SLC44A1: variants seen among roughly 807,000 people sequenced by gnomAD.
SLC44A1 encodes solute carrier family 44 member 1.
A neutral mutation model predicts 79.3 loss-of-function variants in SLC44A1; 26 were observed. The ratio of observed to expected loss-of-function variants is 0.33; its 90% CI spans 0.24 to 0.46. The LOEUF (loss-of-function observed/expected upper bound fraction) is 0.46, where lower values mean the gene tolerates loss of function less well. Among genes scored for constraint, SLC44A1 ranks in the 20% least tolerant of loss-of-function variants. SLC44A1 has a pLI of 1.00. For synonymous variants in SLC44A1, 263 were observed against 286.2 expected (o/e 0.92, Z 0.82); for missense variants, 688 against 798.1 (o/e 0.86, Z 1.66).
At chr9:105,280,746 G>A (rs996373702) in intron 1 of SLC44A1, among the ~76,000 whole-genome samples, 6 of 152,114 alleles carry the variant, frequency 3.9e-5, no homozygotes, top group Non-Finnish European at 1.5e-5. Context: ...GTGTTGTATT[G>A]GTGTTTAACA....
chr9:105,263,268 T>G (rs1452001925), intron 1 of SLC44A1, among the ~76,000 whole-genome samples: 1 of 152,156 alleles, frequency 6.6e-6, no homozygotes, highest in African/African-American at 2.4e-5. Flanking sequence ...AGAAATTTCA[T>G]TTTGCACTAC....
At chr9:105,257,509 C>T (rs931121630) in intron 1 of SLC44A1, among the ~76,000 whole-genome samples, 2 of 152,188 alleles carry the variant, frequency 1.3e-5, no homozygotes, top group African/African-American at 4.8e-5. Context: ...GGATTACAGG[C>T]ATGAGCTACC....
chr9:105,317,565 G>A (rs938446723), intron 3 of SLC44A1, among the ~76,000 whole-genome samples: 4 of 152,038 alleles, frequency 2.6e-5, no homozygotes, highest in African/African-American at 7.2e-5. Flanking sequence ...CTGAGAGGTG[G>A]CTCCAGGAGC....
At position 105,266,965 on chromosome 9, in the gene SLC44A1, A is replaced by T. The variant is rs566934796; in HGVS notation, c.36+22061A>T. Among the ~76,000 whole-genome samples the T allele has an allele frequency of 6.6e-5, 10 of 152,122 alleles. 1 individual carries two copies. The South Asian group carries it at 2.1e-3, about 32-fold the overall frequency. ...TGTGATGTAGTTCTCCATTTATTTA[A>T]GCCTTCTTTGAGTTTTTTTTTCTCC... is the stretch of plus-strand genomic sequence containing the variant. On this transcript the variant is annotated intron_variant, in intron 1 of 15. Coordinates refer to ENST00000374720, the MANE Select transcript of SLC44A1 (RefSeq NM_080546.5).
chr9:105,379,527 A>G (rs1243833639), intron 13 of SLC44A1, among the ~76,000 whole-genome samples: 1 of 152,202 alleles, frequency 6.6e-6, no homozygotes, highest in Non-Finnish European at 1.5e-5. Flanking sequence ...ATTTCTTACA[A>G]CTGCATGTGA....
intron 8 of SLC44A1, among the ~76,000 whole-genome samples, chr9:105,362,582 A>G (rs1376491379): frequency 2.0e-5 from 3 of 152,204 alleles, no homozygotes; most frequent in African/African-American, 7.2e-5. Context: ...AAAAAATTCT[A>G]GAATGTATTA....
chr9:105,334,591 C>G (rs1826853372), intron 3 of SLC44A1, among the ~76,000 whole-genome samples: 1 of 152,152 alleles, frequency 6.6e-6, no homozygotes, highest in Admixed American at 6.5e-5. Flanking sequence ...TGAACCCTGG[C>G]TGGAGATTCA....
downstream of SLC44A1, among the ~76,000 whole-genome samples, chr9:105,398,603 T>C (rs558701600): frequency 1.3e-5 from 2 of 152,178 alleles, no homozygotes; most frequent in Non-Finnish European, 2.9e-5. Flanking sequence ...TAACCTCAAA[T>C]TGAAGGAAAT....
chr9:105,331,618 C>T (rs1588790796), intron 3 of SLC44A1, among the ~76,000 whole-genome samples: 1 of 152,236 alleles, frequency 6.6e-6, no homozygotes, highest in East Asian at 1.9e-4. Context: ...AGCACTTGGC[C>T]TCCTATAAAT....
At chr9:105,384,209 G>A (rs1423556281) in intron 14 of SLC44A1, among the ~76,000 whole-genome samples, 1 of 150,168 alleles carries the variant, frequency 6.7e-6, no homozygotes, top group Non-Finnish European at 1.5e-5. Context: ...TTTTTGAGAC[G>A]GAGTCTTGCT....
chr9:105,292,984 A>G (rs1830638372), intron 1 of SLC44A1, among the ~76,000 whole-genome samples: 1 of 152,060 alleles, frequency 6.6e-6, no homozygotes, highest in Admixed American at 6.6e-5. Flanking sequence ...AACATGGTGA[A>G]ACCCAATCCA....
intron 4 of SLC44A1, among the ~76,000 whole-genome samples, chr9:105,341,893 T>C (rs1827103268): frequency 6.6e-6 from 1 of 152,224 alleles, no homozygotes; most frequent in Non-Finnish European, 1.5e-5. Flanking sequence ...TTATACATAC[T>C]ATCCAAGTGA....
At chr9:105,305,843 CTTTTTT>C (rs748755778) in intron 2 of SLC44A1, among the ~76,000 whole-genome samples, 1 of 84,972 alleles carries the variant, frequency 1.2e-5, no homozygotes, top group African/African-American at 6.6e-5. Flanking sequence ...AAAGTGTGTC[CTTTTTT>C]TTTTTTTTTT....
rs867464244 is a variant in SLC44A1, at chr9:105,391,247, C to T, written c.*2191C>T. The T allele has an allele frequency of 5.1e-6, 5 of 985,716 alleles. No individual in the cohort carries two copies. Among genetic ancestry groups the T allele is most frequent in the Non-Finnish European group, 1.2e-6 (1 of 829,842 alleles). The allele number at this position is 985,716 out of a possible 1,614,324, so 61.1% of individuals were successfully genotyped here. On this transcript the variant is annotated 3_prime_UTR_variant, in exon 16 of 16. Transcript: ENST00000374720. ...TGCTGCTCCCTGTTCCATATGCTCG[C>T]AATCTCAGCTATTTGGAAGCTACCA...
chr9:105,328,750 C>G (rs1366835737), intron 3 of SLC44A1, among the ~76,000 whole-genome samples: 1 of 152,152 alleles, frequency 6.6e-6, no homozygotes, highest in Non-Finnish European at 1.5e-5. Context: ...ATTCAATTGT[C>G]TCTTTGGGGG....
intron 1 of SLC44A1, among the ~76,000 whole-genome samples, chr9:105,267,686 C>A (rs762319108): frequency 1.3e-4 from 20 of 152,172 alleles, no homozygotes; most frequent in Admixed American, 5.9e-4. Flanking sequence ...TCTGCAACTG[C>A]ATCATCTTTT....
chr9:105,397,479 C>A, downstream of SLC44A1: 1 of 393,048 alleles, frequency 2.5e-6, no homozygotes, highest in Non-Finnish European at 3.5e-6. Flanking sequence ...CTGTTCCTTT[C>A]TGTCTCTCGC....
At chr9:105,379,455 T>G (rs1415564294) in intron 13 of SLC44A1, among the ~76,000 whole-genome samples, 1 of 152,182 alleles carries the variant, frequency 6.6e-6, no homozygotes, top group Non-Finnish European at 1.5e-5. Flanking sequence ...CAGTATGCTA[T>G]AGTTTTACAA....
At chr9:105,255,031 C>G (rs1829670642) in intron 1 of SLC44A1, among the ~76,000 whole-genome samples, 1 of 151,510 alleles carries the variant, frequency 6.6e-6, no homozygotes, top group Non-Finnish European at 1.5e-5. Flanking sequence ...TGAGTACAAT[C>G]CACTAAAGAG....
Sources: gnomAD v4.1 joint callset for allele counts (sites outside exome capture counted in the v4.1 genomes callset) on GRCh38, gnomAD v4.1.1 for gene constraint, MANE v1.5 for transcripts, NCBI Gene and HGNC (gene_info 2026-07-23, HGNC 2026-07-21) for gene names.